Variants in RSBN1L observed in about 807,000 individuals in gnomAD.
RSBN1L encodes the protein lysine-specific demethylase RSBN1L.
Under a neutral mutation model 67.7 loss-of-function variants are expected in RSBN1L, and 30 were observed. The observed-to-expected ratio is 0.44, with a 90% CI of 0.33 to 0.60. The LOEUF (loss-of-function observed/expected upper bound fraction) is 0.60. Ranked by LOEUF, RSBN1L falls within the 20% of genes least tolerant of loss-of-function variation. The probability of loss-of-function intolerance (pLI) is 0.02; values close to 1 mark genes in which losing one functional copy is unlikely to be tolerated. For missense variants in RSBN1L, 992 were observed against 1,031.7 expected, an observed-to-expected ratio of 0.96 and a Z score of 0.53; for synonymous variants, 433 against 387.0, an observed-to-expected ratio of 1.12 and a Z score of -1.39.
At chr7:77,777,732 A>AT (rs1230425746) in intron 6 of RSBN1L, among the ~76,000 whole-genome samples, 1 of 151,956 alleles carries the variant, frequency 6.6e-6, no homozygotes, top group Non-Finnish European at 1.5e-5. Context: ...TCCAAAATCC[A>AT]TTTTTTAGCA....
chr7:77,699,133 G>A (rs1486355421), intron 1 of RSBN1L, among the ~76,000 whole-genome samples: 1 of 152,192 alleles, frequency 6.6e-6, no homozygotes, highest in African/African-American at 2.4e-5. Context: ...GTGAATGGGT[G>A]ACCAAGTGTT....
intron 1 of RSBN1L, among the ~76,000 whole-genome samples, chr7:77,732,285 C>T (rs897075616): frequency 6.6e-6 from 1 of 152,140 alleles, no homozygotes; most frequent in Non-Finnish European, 1.5e-5. Context: ...GATGCCACGG[C>T]ACTGTTTTCC....
chr7:77,701,698 C>A (rs1485674260), intron 1 of RSBN1L, among the ~76,000 whole-genome samples: 1 of 144,880 alleles, frequency 6.9e-6, no homozygotes, highest in Non-Finnish European at 1.5e-5. Flanking sequence ...GTTGCCTAGG[C>A]TGGAGTGCAG....
At position 77,778,416 on chromosome 7, in the gene RSBN1L, G is replaced by A. The variant is rs749854258; in HGVS notation, c.1872G>A (p.Gln624=). The change falls in exon 7 of 8, where the codon CAG becomes CAA. Residue 624 remains glutamine (Q), a synonymous_variant. Coordinates refer to ENST00000334955, the MANE Select transcript of RSBN1L (RefSeq NM_198467.3). ...TCTTAGAAGTAGTTCAACGAATGCA[G>A]TTAGATTTACATGAACCTCCACTGT... ...EDFLEVVQRM[Q]LDLHEPPLSQ... is the part of the protein sequence containing the mutation. The A allele has an allele frequency of 6.2e-7, 1 of 1,613,030 alleles. No homozygotes were observed. Among genetic ancestry groups the A allele is most frequent in the Non-Finnish European group, 8.5e-7 (1 of 1,179,492 alleles).
intron 5 of RSBN1L, among the ~76,000 whole-genome samples, chr7:77,772,084 TGTGGG>T: frequency 6.6e-6 from 1 of 152,204 alleles, no homozygotes; most frequent in Non-Finnish European, 1.5e-5. Flanking sequence ...CAGCTAAATT[TGTGGG>T]TTTGAGAACC....
In RSBN1L at chr7:77,749,696, G is replaced by T. The variant is rs1242517037; in HGVS notation, c.976G>T (p.Val326Phe). 1 of 1,614,090 alleles carries T rather than the reference G, an allele frequency of 6.2e-7. No individual in the cohort carries two copies. The highest frequency in any genetic ancestry group is 8.5e-7 in the Non-Finnish European group (1 of 1,179,996). Residue 326 changes from valine to phenylalanine, a missense_variant, in exon 3 of 8, where the codon GTC becomes TTC. Physicochemically the swap from Val to Phe is conservative, Grantham distance 50. This residue lies in a region of RSBN1L where 575 missense variants were observed against 483.2 expected (regional missense o/e 1.19). Coordinates refer to ENST00000334955, the MANE Select transcript of RSBN1L (RefSeq NM_198467.3). Reference sequence around the variant, plus strand: ...TCCAGAGAACAGTGAGTTTCCATTTGTCTCATTAAAGGAGCCACGAGTTCA... The same window carrying T: ...TCCAGAGAACAGTGAGTTTCCATTTTTCTCATTAAAGGAGCCACGAGTTCA... ...KIPENSEFPFVSLKEPRVQNN... is the reference protein window; with the variant it reads ...KIPENSEFPFFSLKEPRVQNN...
Position 77,766,654 on chromosome 7 carries a change from A to G in RSBN1L, c.1482+1022A>G, listed in dbSNP as rs147742912. Among the ~76,000 whole-genome samples, 767 of 152,208 alleles carry G rather than the reference A, an allele frequency of 5.0e-3. 9 individuals carry two copies. The highest frequency in any genetic ancestry group is 0.017 in the African/African-American group (704 of 41,524). On this transcript the variant is annotated intron_variant, in intron 4 of 7. Transcript: ENST00000334955. ...TATTTAATCAGTAACTCAAAGGTCA[A>G]TGCTGCAAACCTACACTGAAATTCA... is the stretch of plus-strand genomic sequence containing the variant.
At chr7:77,738,794 C>CA (rs1445363141) in intron 2 of RSBN1L, among the ~76,000 whole-genome samples, 3 of 151,906 alleles carry the variant, frequency 2.0e-5, no homozygotes, top group Non-Finnish European at 4.4e-5. Context: ...CTAAAAAATA[C>CA]AAAAAATTAC....
intron 2 of RSBN1L, among the ~76,000 whole-genome samples, chr7:77,747,634 A>T (rs916287922): frequency 6.6e-6 from 1 of 152,208 alleles, no homozygotes; most frequent in African/African-American, 2.4e-5. Flanking sequence ...CCTAGTTTTC[A>T]GAGGCTGTAT....
intron 1 of RSBN1L, among the ~76,000 whole-genome samples, chr7:77,716,261 G>A (rs896267760): frequency 6.6e-6 from 1 of 152,028 alleles, no homozygotes; most frequent in Admixed American, 6.6e-5. Context: ...GAAAACTTCC[G>A]TCTGTAAGGT....
In RSBN1L at chr7:77,749,770, T is replaced by A. The variant is rs752639872; in HGVS notation, c.1050T>A (p.His350Gln). The A allele has an allele frequency of 1.2e-6, 2 of 1,614,198 alleles. No individual in the cohort carries two copies. Among genetic ancestry groups the A allele is most frequent in the Admixed American group, 3.3e-5 (2 of 60,028 alleles). The stretch of plus-strand genomic sequence containing the variant: ...CTTTGGAATTTAAACAACTCATTCA[T>A]ATAGAGCACCAGCCTAATGGAGGTG... The part of the protein sequence containing the change: ...LDTLEFKQLI[H>Q]IEHQPNGGAS... Residue 350 changes from histidine (H) to glutamine (Q), a missense_variant, in exon 3 of 8, where the codon CAT (histidine) becomes CAA (glutamine). Transcript: ENST00000334955.
At position 77,698,178 on chromosome 7, in the gene RSBN1L, ACTT is replaced by A. The variant is rs1469545725; in HGVS notation, c.586+1128_586+1130del. On this transcript the variant is annotated intron_variant, in intron 1 of 7. Coordinates refer to ENST00000334955, the MANE Select transcript of RSBN1L (RefSeq NM_198467.3). Reference sequence around the variant, plus strand: ...TGCATGTGCATGTAGCAATAGTGTCACTTCTTCCTTGATATTTTTTGCCTGTAG... The same window carrying A: ...TGCATGTGCATGTAGCAATAGTGTCACTTCCTTGATATTTTTTGCCTGTAG... 4.6e-5 allele frequency among the ~76,000 whole-genome samples: 7 copies of A among 152,222 alleles called. No homozygotes were observed. In the East Asian group the frequency reaches 1.2e-3, roughly 25 times the overall value.
chr7:77,736,371 T>C (rs960090365), intron 1 of RSBN1L, 39 bp from the exon 2 acceptor site: 9 of 908,784 alleles, frequency 9.9e-6, no homozygotes, highest in Non-Finnish European at 1.0e-5. Context: ...GAAGTTGTAA[T>C]TTTTTCATTT....
At position 77,750,075 on chromosome 7, in the gene RSBN1L, T is replaced by G; in HGVS notation, c.1344+11T>G. ...AATTTTCATGCTCAGGTAAGAGGTT[T>G]TTAGTTTTATAAAATAACTTTTAAT... On this transcript the variant is annotated intron_variant, in intron 3 of 7. Coordinates refer to ENST00000334955, the MANE Select transcript of RSBN1L (RefSeq NM_198467.3). 6.7e-7 allele frequency: 1 copy of G among 1,485,196 alleles called. No individual in the cohort carries two copies. The highest frequency in any genetic ancestry group is 2.4e-5 in the Admixed American group (1 of 41,056). 92.0% of individuals were successfully genotyped at this position (1,485,196 alleles called of 1,614,324 possible).
At chr7:77,760,824 C>T (rs571099530) in intron 3 of RSBN1L, among the ~76,000 whole-genome samples, 9 of 152,170 alleles carry the variant, frequency 5.9e-5, no homozygotes, top group South Asian at 4.1e-4. Context: ...TTAGTAGAGA[C>T]GGGGTTTTGT....
At position 77,781,972 on chromosome 7, in the gene RSBN1L, C is replaced by CAAAAAAAAAAAAAAAAAAAAAAAAAAA; in HGVS notation, c.*2824_*2825insAAAAAAAAAAAAAAAAAAAAAAAAAAA. The CAAAAAAAAAAAAAAAAAAAAAAAAAAA allele has an allele frequency of 1.3e-5, 1 of 78,058 alleles. No individual in the cohort carries two copies. The highest frequency in any genetic ancestry group is 2.5e-5 in the Non-Finnish European group (1 of 40,756). 4.8% of individuals were successfully genotyped at this position (78,058 alleles called of 1,614,324 possible). ...TGCCCTCCAGCCTGGGCGACAGTCT[C>CAAAAAAAAAAAAAAAAAAAAAAAAAAA]AAAAAAAAAAAAAAAAAAAAGCATA... On this transcript the variant is annotated 3_prime_UTR_variant, in exon 8 of 8. Coordinates refer to ENST00000334955, the MANE Select transcript of RSBN1L (RefSeq NM_198467.3).
intron 1 of RSBN1L, among the ~76,000 whole-genome samples, chr7:77,727,170 C>T (rs1240266042): frequency 6.6e-6 from 1 of 151,804 alleles, no homozygotes; most frequent in Non-Finnish European, 1.5e-5. Context: ...TCACTGCATC[C>T]TCCGCCTCCT....
chr7:77,705,400 T>A (rs892385694), intron 1 of RSBN1L, among the ~76,000 whole-genome samples: 5 of 152,160 alleles, frequency 3.3e-5, no homozygotes. Context: ...TCCTAGGTAC[T>A]CATATTACGT....
rs369202910 is a variant in RSBN1L at position 77,779,009 on chromosome 7, A to T, written c.2382A>T (p.Gln794His). The change falls in exon 8 of 8, where the codon CAA becomes CAT. Residue 794 changes from glutamine to histidine, a missense_variant. Physicochemically the swap from Gln to His is conservative, Grantham distance 24. Transcript: ENST00000334955. ...TTAAAGCAAAATTGGATCATGTTCA[A>T]TTTGCAGAATTTAAGATTGACATGG... The part of the protein sequence containing the change: ...KNVKAKLDHV[Q>H]FAEFKIDMDS... 1 of 1,614,106 alleles carries T rather than the reference A, an allele frequency of 6.2e-7. No individual in the cohort carries two copies. Among genetic ancestry groups the T allele is most frequent in the Non-Finnish European group, 8.5e-7 (1 of 1,179,986 alleles).
Sources: allele counts gnomAD v4.1 joint callset (sites outside exome capture counted in the v4.1 genomes callset), GRCh38; gene constraint gnomAD v4.1.1; regional missense constraint gnomAD v4.1.1; transcripts MANE v1.5; gene names NCBI Gene and HGNC (gene_info 2026-07-23, HGNC 2026-07-21).